Variants in MGAT5 observed in about 807,000 individuals in gnomAD.
MGAT5 encodes alpha-1,6-mannosylglycoprotein 6-beta-N-acetylglucosaminyltransferase A.
In MGAT5, 30 loss-of-function variants were observed where a neutral mutation model predicts 94.3. The ratio of observed to expected loss-of-function variants is 0.32; its 90% CI spans 0.24 to 0.43. The LOEUF (loss-of-function observed/expected upper bound fraction) is 0.43, where lower values mean the gene tolerates loss of function less well. Ranked by LOEUF, MGAT5 falls within the 20% of genes least tolerant of loss-of-function variation. The pLI, the probability that MGAT5 is intolerant of heterozygous loss-of-function variation, is 1.00. For missense variants in MGAT5, 691 were observed against 905.5 expected (o/e 0.76, Z 3.04); for synonymous variants, 310 against 322.9 (o/e 0.96, Z 0.43).
At chr2:134,136,100 C>T (rs894884408) in intron 1 of MGAT5, among the ~76,000 whole-genome samples, 2 of 152,082 alleles carry the variant, frequency 1.3e-5, no homozygotes, top group Non-Finnish European at 2.9e-5. Context: ...GTGACTTTGT[C>T]ACCAATAGAA....
At position 134,134,825 on chromosome 2, in the gene MGAT5, T is replaced by C. The variant is rs944463631; in HGVS notation, c.-143+14534T>C. 2.0e-5 allele frequency among the ~76,000 whole-genome samples: 3 copies of C among 152,380 alleles called. No homozygotes were observed. In the East Asian group the frequency reaches 5.8e-4, roughly 29 times the overall value. On this transcript the variant is annotated intron_variant, in intron 1 of 16. Coordinates refer to the MGAT5 transcript ENST00000409645. Reference sequence around the variant, plus strand: ...TCACAAAATGTTTCCTGTTACCCACTAGACAATCATGGACAAGCAAAATCT... The same window carrying C: ...TCACAAAATGTTTCCTGTTACCCACCAGACAATCATGGACAAGCAAAATCT...
chr2:134,345,799 A>G (rs1688888409), intron 8 of MGAT5, among the ~76,000 whole-genome samples: 1 of 152,180 alleles, frequency 6.6e-6, no homozygotes, highest in Admixed American at 6.5e-5. Flanking sequence ...ACAATGTGAG[A>G]GTAGCTGTGA....
In MGAT5 at chr2:134,449,013, G is replaced by A. The variant is rs1685954490; in HGVS notation, c.*166G>A. 1 of 658,670 alleles carries A rather than the reference G, an allele frequency of 1.5e-6. No individual in the cohort carries two copies. Among genetic ancestry groups the A allele is most frequent in the Non-Finnish European group, 2.6e-6 (1 of 388,778 alleles). The allele number at this position is 658,670 out of a possible 1,614,324, so 40.8% of individuals were successfully genotyped here. On this transcript the variant is annotated 3_prime_UTR_variant, in exon 16 of 16. Coordinates refer to ENST00000281923, the MANE Select transcript of MGAT5 (RefSeq NM_002410.5). ...CCCTTGCTGCACTCCGAGCAACCCA[G>A]TGGAGTCTTCACCAAAACAAAACAA...
intron 1 of MGAT5, among the ~76,000 whole-genome samples, chr2:134,216,647 C>T (rs1407209104): frequency 3.9e-5 from 6 of 152,188 alleles, no homozygotes; most frequent in African/African-American, 7.2e-5. Flanking sequence ...GATTCATCCT[C>T]GAGCTGTGTT....
At chr2:134,305,213 A>G (rs1686254002) in intron 2 of MGAT5, among the ~76,000 whole-genome samples, 1 of 152,184 alleles carries the variant, frequency 6.6e-6, no homozygotes, top group Non-Finnish European at 1.5e-5. Flanking sequence ...ACAACCAAGC[A>G]ACCAAAACAA....
At chr2:134,140,992 T>C (rs1327944707) in intron 1 of MGAT5, among the ~76,000 whole-genome samples, 1 of 152,202 alleles carries the variant, frequency 6.6e-6, no homozygotes, top group Non-Finnish European at 1.5e-5. Flanking sequence ...TAACTGCCAT[T>C]GTAGCAGAAT....
intron 2 of MGAT5, among the ~76,000 whole-genome samples, chr2:134,272,970 A>AG (rs1401492461): frequency 1.3e-5 from 2 of 152,132 alleles, no homozygotes; most frequent in East Asian, 3.9e-4. Flanking sequence ...CTCTCAGGCT[A>AG]ATGTTTGTAA....
chr2:134,354,176 G>T (rs923921564), intron 9 of MGAT5, among the ~76,000 whole-genome samples: 1 of 152,182 alleles, frequency 6.6e-6, no homozygotes, highest in Non-Finnish European at 1.5e-5. Context: ...ATATGAGCTG[G>T]ATAGTAATCA....
chr2:134,368,708 A>G (rs2106144072), intron 10 of MGAT5, among the ~76,000 whole-genome samples: 1 of 152,278 alleles, frequency 6.6e-6, no homozygotes, highest in Non-Finnish European at 1.5e-5. Context: ...TCACACTTAG[A>G]ACACCTTACA....
chr2:134,299,537 T>A (rs1573738495), intron 2 of MGAT5, among the ~76,000 whole-genome samples: 1 of 152,266 alleles, frequency 6.6e-6, no homozygotes, highest in East Asian at 1.9e-4. Flanking sequence ...TTTTGTTTTT[T>A]AAAATGCAGT....
At chr2:134,266,178 G>A (rs369222647) in intron 1 of MGAT5, among the ~76,000 whole-genome samples, 23 of 125,244 alleles carry the variant, frequency 1.8e-4, no homozygotes, top group East Asian at 1.1e-3. Context: ...AAAAAAAAAA[G>A]ATTAAAACAC....
intron 1 of MGAT5, among the ~76,000 whole-genome samples, chr2:134,221,593 T>A (rs1410619800): frequency 1.3e-5 from 2 of 152,156 alleles, no homozygotes; most frequent in African/African-American, 4.8e-5. Context: ...GGATTCTCTA[T>A]AGAATGTGGA....
intron 1 of MGAT5, among the ~76,000 whole-genome samples, chr2:134,202,741 C>T (rs1042807019): frequency 6.6e-6 from 1 of 152,202 alleles, no homozygotes; most frequent in African/African-American, 2.4e-5. Context: ...TAATCCTATA[C>T]GGCCAATTGT....
chr2:134,125,796 A>G (rs971300306), intron 1 of MGAT5, among the ~76,000 whole-genome samples: 1 of 152,160 alleles, frequency 6.6e-6, no homozygotes, highest in East Asian at 1.9e-4. Flanking sequence ...AGCTGGGAGA[A>G]TCTAAGTGAC....
chr2:134,447,397 C>G (rs1475528443), intron 15 of MGAT5, among the ~76,000 whole-genome samples: 1 of 152,212 alleles, frequency 6.6e-6, no homozygotes, highest in African/African-American at 2.4e-5. Context: ...TGCCATTTAT[C>G]CACTTACTTA....
In MGAT5 at chr2:134,441,907, C is replaced by T. The variant is rs1685505777; in HGVS notation, c.2019C>T (p.Asp673=). Residue 673 remains aspartate, a synonymous_variant, in exon 15 of 16, where the codon GAC becomes GAT. Coordinates refer to ENST00000281923, the MANE Select transcript of MGAT5 (RefSeq NM_002410.5). ...SFFQHLNKDK[D]MLKYKVTCQS... ...TCCAGCACCTCAACAAGGACAAGGACATGCTGAAGTAAGTGCCCTGGGGTG... is the reference window on the plus strand; with the variant it reads ...TCCAGCACCTCAACAAGGACAAGGATATGCTGAAGTAAGTGCCCTGGGGTG... 6.2e-7 allele frequency: 1 copy of T among 1,613,216 alleles called. No individual in the cohort carries two copies. Among genetic ancestry groups the T allele is most frequent in the African/African-American group, 1.3e-5 (1 of 74,840 alleles).
chr2:134,318,799 G>C (rs1176080478), intron 4 of MGAT5, 60 bp downstream of exon 4: 2 of 1,220,480 alleles, frequency 1.6e-6, no homozygotes, highest in African/African-American at 3.0e-5. Flanking sequence ...TTCTGTAGCT[G>C]AGTCTGAAAT....
At chr2:134,326,857 T>C (rs2105934803) in intron 4 of MGAT5, among the ~76,000 whole-genome samples, 1 of 152,170 alleles carries the variant, frequency 6.6e-6, no homozygotes, top group African/African-American at 2.4e-5. Context: ...TGGACCATAT[T>C]TGAAGAAAGT....
At chr2:134,357,379 G>A (rs1250896614) in intron 9 of MGAT5, among the ~76,000 whole-genome samples, 2 of 152,162 alleles carry the variant, frequency 1.3e-5, no homozygotes, top group Non-Finnish European at 1.5e-5. Flanking sequence ...GGGGCTCACA[G>A]CCATTTTTAT....
Sources: allele counts gnomAD v4.1 joint callset (sites outside exome capture counted in the v4.1 genomes callset), GRCh38; gene constraint gnomAD v4.1.1; transcripts MANE v1.5; gene names NCBI Gene and HGNC (gene_info 2026-07-23, HGNC 2026-07-21).